Variants in AFF1 observed in about 807,000 individuals in gnomAD.
The protein encoded by AFF1 is AF4/FMR2 family member 1.
Under a neutral mutation model 121.7 loss-of-function variants are expected in AFF1, and 48 were observed. That is an observed-to-expected ratio of 0.39 (90% CI 0.31 to 0.50). AFF1 has a LOEUF of 0.50. AFF1 is among the 20% of genes least tolerant of loss of function. The pLI, the probability that AFF1 is intolerant of heterozygous loss-of-function variation, is 0.76. For synonymous variants in AFF1, 613 were observed against 563.0 expected (o/e 1.09, Z -1.26); for missense variants, 1,523 against 1,511.7 (o/e 1.01, Z -0.12).
chr4:87,089,904 C>T (rs1724126274), intron 5 of AFF1, 80 bp from the exon 6 acceptor site: 2 of 1,024,964 alleles, frequency 2.0e-6, no homozygotes, highest in Admixed American at 1.8e-5. Flanking sequence ...ATCCATTCTA[C>T]ATTAAGTTCA....
Position 87,105,746 on chromosome 4 carries a change from C to T in AFF1, c.1339-62C>T, listed in dbSNP as rs1026124066. On this transcript the variant is annotated intron_variant, in intron 9 of 20. Transcript: ENST00000395146. ...AAATACATCTAACAGATCTGAGCTG[C>T]TTGTTCTAACCTGTTTTTTGTTCTT... 10 of 1,613,508 alleles carry T rather than the reference C, an allele frequency of 6.2e-6. No homozygotes were observed. The African/African-American group carries it at 1.3e-4, about 22-fold the overall frequency.
intron 2 of AFF1, among the ~76,000 whole-genome samples, chr4:87,016,924 T>C (rs1356710486): frequency 6.6e-6 from 1 of 152,212 alleles, no homozygotes; most frequent in Non-Finnish European, 1.5e-5. Context: ...GGTTCATCTG[T>C]GGTGTACCAT....
At chr4:87,130,864 G>A (rs1728765184) in intron 16 of AFF1, among the ~76,000 whole-genome samples, 1 of 152,106 alleles carries the variant, frequency 6.6e-6, no homozygotes, top group Non-Finnish European at 1.5e-5. Flanking sequence ...TCTTAATACG[G>A]GATCATTTTC....
intron 12 of AFF1, among the ~76,000 whole-genome samples, chr4:87,120,285 G>A (rs1237471497): frequency 2.0e-5 from 3 of 152,056 alleles, no homozygotes; most frequent in Admixed American, 6.6e-5. Context: ...ATCTCCTTCC[G>A]AGGCGAATCA....
chr4:86,974,219 C>G (rs1186899065), intron 2 of AFF1, among the ~76,000 whole-genome samples: 3 of 152,146 alleles, frequency 2.0e-5, no homozygotes, highest in Non-Finnish European at 4.4e-5. Flanking sequence ...GTGATCTTGG[C>G]TCACTGCAAC....
intron 12 of AFF1, among the ~76,000 whole-genome samples, chr4:87,117,248 GA>G (rs1290164619): frequency 6.6e-6 from 1 of 152,216 alleles, no homozygotes; most frequent in African/African-American, 2.4e-5. Flanking sequence ...GGTTTTGGCT[GA>G]GCACCTCTTG....
intron 4 of AFF1, among the ~76,000 whole-genome samples, chr4:87,073,991 G>A (rs1334789028): frequency 6.6e-6 from 1 of 150,988 alleles, no homozygotes; most frequent in Admixed American, 6.6e-5. Context: ...GTGCGTGTGT[G>A]CATGTGTGTG....
At chr4:87,082,805 C>T (rs1407623075) in intron 4 of AFF1, among the ~76,000 whole-genome samples, 1 of 152,080 alleles carries the variant, frequency 6.6e-6, no homozygotes, top group African/African-American at 2.4e-5. Context: ...TTTTCTTCAT[C>T]CATGGAGTGA....
In AFF1 at chr4:87,139,809, C is replaced by T. The variant is rs1002866139; in HGVS notation, c.*4108C>T. On this transcript the variant is annotated 3_prime_UTR_variant, in exon 21 of 21. Transcript: ENST00000395146. Reference sequence around the variant, plus strand: ...AGTGATATTGCCACCATGTGAACCTCAAATATGCAATCCAGTTGTGTTGGT... The same window carrying T: ...AGTGATATTGCCACCATGTGAACCTTAAATATGCAATCCAGTTGTGTTGGT... 9 of 225,570 alleles carry T rather than the reference C, an allele frequency of 4.0e-5. No homozygotes were observed. The highest frequency in any genetic ancestry group is 5.7e-5 in the Admixed American group (1 of 17,426). 14.0% of individuals were successfully genotyped at this position (225,570 alleles called of 1,614,324 possible).
At position 87,132,404 on chromosome 4, in the gene AFF1, G is replaced by T. The variant is rs763791595; in HGVS notation, c.3307G>T (p.Ala1103Ser). 1.9e-6 allele frequency: 3 copies of T among 1,608,994 alleles called. No homozygotes were observed. The African/African-American group carries it at 4.0e-5, about 22-fold the overall frequency. ...KVAQAPSPCI[A>S]RSTGTPSPLS... is the part of the protein sequence containing the mutation. ...CGCCCAGGCACCTTCTCCATGCATT[G>T]CAAGGTAACTCTAAGTCTAATATAA... is the stretch of plus-strand genomic sequence containing the variant. The change falls in exon 19 of 21, where the codon GCA becomes TCA. Residue 1103 changes from alanine (A) to serine (S), a missense_variant. This residue lies in a region of AFF1 where 241 missense variants were observed against 265.2 expected (regional missense o/e 0.91). Transcript: ENST00000395146.
chr4:86,959,532 T>C (rs1416710126), intron 2 of AFF1, among the ~76,000 whole-genome samples: 2 of 146,970 alleles, frequency 1.4e-5, no homozygotes, highest in African/African-American at 5.0e-5. Flanking sequence ...CTGGTAGAGA[T>C]GGGGGAAAAA....
intron 7 of AFF1, among the ~76,000 whole-genome samples, chr4:87,094,175 A>G (rs1724596545): frequency 6.6e-6 from 1 of 152,104 alleles, no homozygotes; most frequent in Non-Finnish European, 1.5e-5. Flanking sequence ...TCTTGCCAGC[A>G]TCACTCTGCC....
At chr4:87,125,837 C>T (rs1728182866) in intron 13 of AFF1, among the ~76,000 whole-genome samples, 1 of 152,192 alleles carries the variant, frequency 6.6e-6, no homozygotes, top group South Asian at 2.1e-4. Flanking sequence ...GCAGCTGAAG[C>T]AGGCGTTCGG....
chr4:86,946,453 A>ACCCCCCCCCCCCCCCCCCCCCCCC (rs1720867272), intron 1 of AFF1, among the ~76,000 whole-genome samples: 1 of 36,634 alleles, frequency 2.7e-5, no homozygotes, highest in African/African-American at 9.9e-5. Flanking sequence ...CATCACCCCC[A>ACCCCCCCCCCCCCCCCCCCCCCCC]CCCCCCACCC....
At chr4:86,995,982 GCCC>G (rs1725144258) in intron 2 of AFF1, among the ~76,000 whole-genome samples, 1 of 119,786 alleles carries the variant, frequency 8.3e-6, no homozygotes, top group Non-Finnish European at 2.1e-5. Context: ...GAAGTGAGGA[GCCC>G]CTCCGCCCGG....
chr4:87,114,489 G>A lies in AFF1; in HGVS notation c.1656G>A (p.Lys552=), dbSNP rs1726870847. 6.2e-7 allele frequency: 1 copy of A among 1,613,600 alleles called. No individual in the cohort carries two copies. Among genetic ancestry groups the A allele is most frequent in the African/African-American group, 1.3e-5 (1 of 74,874 alleles). Residue 552 remains lysine (K), a synonymous_variant, in exon 12 of 21, where the codon AAG becomes AAA. Transcript: ENST00000395146. ...TEPPRRHPES[K]GSSDSATSQE... ...CCCCACGGCGGCACCCAGAGAGTAAGGGCAGCAGCGACAGTGCCACGAGTC... is the reference window on the plus strand; with the variant it reads ...CCCCACGGCGGCACCCAGAGAGTAAAGGCAGCAGCGACAGTGCCACGAGTC...
chr4:86,992,152 A>G (rs1463040589), intron 2 of AFF1, among the ~76,000 whole-genome samples: 1 of 152,190 alleles, frequency 6.6e-6, no homozygotes, highest in Non-Finnish European at 1.5e-5. Context: ...GCTGTGCAGC[A>G]TAGTGGTGAA....
chr4:87,024,130 A>G (rs1728293801), intron 2 of AFF1, among the ~76,000 whole-genome samples: 1 of 152,216 alleles, frequency 6.6e-6, no homozygotes. Context: ...ATACAGATAA[A>G]CTGAGGCTCA....
intron 11 of AFF1, among the ~76,000 whole-genome samples, chr4:87,111,960 T>C (rs966846153): frequency 1.3e-5 from 2 of 152,234 alleles, no homozygotes; most frequent in Non-Finnish European, 2.9e-5. Context: ...AACCAGATGT[T>C]ATTTATACTG....
Sources: gnomAD v4.1 joint callset for allele counts (sites outside exome capture counted in the v4.1 genomes callset) on GRCh38, gnomAD v4.1.1 for gene constraint, gnomAD v4.1.1 regional missense constraint, MANE v1.5 for transcripts, NCBI Gene and HGNC (gene_info 2026-07-23, HGNC 2026-07-21) for gene names.